The following PAQR5 variants were observed in gnomAD, a reference collection of about 807,000 sequenced individuals.
PAQR5 encodes the protein membrane progestin receptor gamma.
A neutral mutation model predicts 34.5 loss-of-function variants in PAQR5; 20 were observed. The ratio of observed to expected loss-of-function variants is 0.58; its 90% CI spans 0.41 to 0.84. The LOEUF (loss-of-function observed/expected upper bound fraction) is 0.84, where lower values mean the gene tolerates loss of function less well. Among genes scored for constraint, PAQR5 ranks in the 40% least tolerant of loss-of-function variants. PAQR5 has a pLI of 0.00. For synonymous variants in PAQR5, 131 were observed against 155.6 expected, an observed-to-expected ratio of 0.84 and a Z score of 1.18; for missense variants, 378 against 412.7, an observed-to-expected ratio of 0.92 and a Z score of 0.73.
intron 1 of PAQR5, among the ~76,000 whole-genome samples, chr15:69,324,263 G>A (rs571992036): frequency 6.6e-6 from 1 of 152,282 alleles, no homozygotes; most frequent in South Asian, 2.1e-4. Flanking sequence ...CAGCCCAGGA[G>A]GTGGGTCAGA....
chr15:69,369,131 A>G (rs946498963), intron 3 of PAQR5, among the ~76,000 whole-genome samples: 1 of 152,156 alleles, frequency 6.6e-6, no homozygotes, highest in Non-Finnish European at 1.5e-5. Context: ...TATTAAACAC[A>G]GTTATTTTAT....
At chr15:69,334,280 G>A (rs1421769536) in intron 1 of PAQR5, among the ~76,000 whole-genome samples, 1 of 152,084 alleles carries the variant, frequency 6.6e-6, no homozygotes, top group Non-Finnish European at 1.5e-5. Flanking sequence ...CACCCACCTC[G>A]GCCTTCCAAA....
chr15:69,382,671 T>C (rs1221508368), intron 4 of PAQR5, among the ~76,000 whole-genome samples: 1 of 2,050 alleles, frequency 4.9e-4, no homozygotes, highest in Admixed American at 7.9e-3. Flanking sequence ...TATATATATA[T>C]ATATATATAT....
chr15:69,339,497 G>A (rs548168285), intron 2 of PAQR5, among the ~76,000 whole-genome samples: 24 of 152,190 alleles, frequency 1.6e-4, no homozygotes, highest in African/African-American at 4.6e-4. Context: ...TTTTGAGACA[G>A]AGTCTTGTTC....
chr15:69,381,482 G>A (rs1413935082), intron 4 of PAQR5, among the ~76,000 whole-genome samples: 2 of 152,224 alleles, frequency 1.3e-5, no homozygotes, highest in Non-Finnish European at 2.9e-5. Context: ...TGAGATTTGA[G>A]CTGCTAAAAG....
At chr15:69,343,742 C>CA in intron 2 of PAQR5, among the ~76,000 whole-genome samples, 1 of 152,020 alleles carries the variant, frequency 6.6e-6, no homozygotes, top group Admixed American at 6.6e-5. Flanking sequence ...TAGTAGTAGG[C>CA]AAAAATAGCG....
intron 1 of PAQR5, among the ~76,000 whole-genome samples, chr15:69,322,691 G>GGAAGAAGAAGAAGAAGAAGAAGAAGAA (rs780711031): frequency 7.9e-5 from 2 of 25,464 alleles, no homozygotes; most frequent in Admixed American, 6.1e-4. Context: ...AAGGAGAAGA[G>GGAAGAAGAAGAAGAAGAAGAAGAAGAA]GAAGAAGAAG....
chr15:69,387,007 G>A (rs2140948003), intron 5 of PAQR5, among the ~76,000 whole-genome samples: 1 of 145,434 alleles, frequency 6.9e-6, no homozygotes, highest in Non-Finnish European at 1.5e-5. Context: ...TGGTTATTAA[G>A]GCCAGGTGAC....
chr15:69,401,440 C>T (rs939970479), intron 8 of PAQR5, among the ~76,000 whole-genome samples: 3 of 152,048 alleles, frequency 2.0e-5, no homozygotes, highest in African/African-American at 4.8e-5. Context: ...AACAGATTTC[C>T]AAAAAGGAGG....
At chr15:69,329,204 GACAC>G (rs1567001916) in intron 1 of PAQR5, among the ~76,000 whole-genome samples, 1 of 152,008 alleles carries the variant, frequency 6.6e-6, no homozygotes, top group Non-Finnish European at 1.5e-5. Flanking sequence ...TGTCCCCAGT[GACAC>G]ACACACATAT....
chr15:69,340,183 T>C (rs1242541916), intron 2 of PAQR5, among the ~76,000 whole-genome samples: 1 of 152,202 alleles, frequency 6.6e-6, no homozygotes, highest in African/African-American at 2.4e-5. Flanking sequence ...AACACCTTTT[T>C]TTCAAGCTTT....
chr15:69,394,101 G>GTT (rs549479900), intron 6 of PAQR5, among the ~76,000 whole-genome samples: 8 of 138,666 alleles, frequency 5.8e-5, no homozygotes, highest in East Asian at 2.1e-4. Flanking sequence ...ACCATTGATT[G>GTT]TTTTTTTTTT....
rs779693460 is a variant in PAQR5 at position 69,400,018 on chromosome 15, G to A, written c.654G>A (p.Ser218=). The A allele has an allele frequency of 4.6e-5, 75 of 1,613,980 alleles. No homozygotes were observed. Among genetic ancestry groups the A allele is most frequent in the South Asian group, 5.5e-5 (5 of 91,084 alleles). Residue 218 remains serine (S), a synonymous_variant, in exon 8 of 9, where the codon TCG becomes TCA. Transcript: ENST00000395407. ...PGESAQNEAT[S]YHQKHMIMTL... is the part of the protein sequence containing the mutation. ...AGAGTGCACAAAATGAAGCCACCTC[G>A]TACCACCAGAAGCACATGATCATGA...
intron 4 of PAQR5, among the ~76,000 whole-genome samples, chr15:69,383,178 G>C (rs879908914): frequency 7.2e-5 from 11 of 152,212 alleles, no homozygotes; most frequent in Non-Finnish European, 1.3e-4. Context: ...CACCGCGGGG[G>C]AATGGAGACA....
intron 7 of PAQR5, among the ~76,000 whole-genome samples, chr15:69,398,704 A>G (rs1296963393): frequency 6.6e-6 from 1 of 152,214 alleles, no homozygotes; most frequent in Non-Finnish European, 1.5e-5. Flanking sequence ...CTCCTTCCTC[A>G]AGGGCGCAGA....
At chr15:69,371,106 A>T (rs998114272) in intron 3 of PAQR5, among the ~76,000 whole-genome samples, 2 of 151,964 alleles carry the variant, frequency 1.3e-5, no homozygotes, top group Non-Finnish European at 1.5e-5. Context: ...ATTGACAATG[A>T]TGTTAAATTA....
At chr15:69,331,764 T>C (rs1456800911) in intron 1 of PAQR5, among the ~76,000 whole-genome samples, 1 of 152,182 alleles carries the variant, frequency 6.6e-6, no homozygotes, top group Non-Finnish European at 1.5e-5. Flanking sequence ...CAGACTTATA[T>C]TGGGTGCTGA....
At chr15:69,316,658 C>A (rs965861744) in intron 1 of PAQR5, among the ~76,000 whole-genome samples, 2 of 152,178 alleles carry the variant, frequency 1.3e-5, no homozygotes, top group African/African-American at 4.8e-5. Flanking sequence ...ATGACAGTTG[C>A]TCTTTTTGAG....
chr15:69,375,395 G>C, intron 3 of PAQR5, among the ~76,000 whole-genome samples: 1 of 152,148 alleles, frequency 6.6e-6, no homozygotes, highest in East Asian at 1.9e-4. Context: ...GAATGCAGTT[G>C]CATCTGAGGT....
Sources: allele counts gnomAD v4.1 joint callset (sites outside exome capture counted in the v4.1 genomes callset), GRCh38; gene constraint gnomAD v4.1.1; transcripts MANE v1.5; gene names NCBI Gene and HGNC (gene_info 2026-07-23, HGNC 2026-07-21).